The following PSD3 variants were observed in gnomAD, a reference collection of about 807,000 sequenced individuals.
PSD3 encodes PH and SEC7 domain-containing protein 3.
PSD3 carries 49 observed loss-of-function variants against 105.5 expected under a neutral mutation model. The observed-to-expected ratio is 0.46, with a 90% CI of 0.37 to 0.59. The LOEUF is 0.59. Among genes scored for constraint, PSD3 ranks in the 20% least tolerant of loss-of-function variants. The probability of loss-of-function intolerance (pLI) is 0.00; values close to 1 mark genes in which losing one functional copy is unlikely to be tolerated. For synonymous variants in PSD3, 557 were observed against 457.8 expected, an observed-to-expected ratio of 1.22 and a Z score of -2.77; for missense variants, 1,561 against 1,263.8, an observed-to-expected ratio of 1.24 and a Z score of -3.57.
intron 4 of PSD3, among the ~76,000 whole-genome samples, chr8:18,812,869 C>T (rs116209824): frequency 7.2e-5 from 11 of 152,130 alleles, no homozygotes; most frequent in Admixed American, 1.3e-4. Flanking sequence ...GATGCACTGT[C>T]AGAGCTTTGA....
At chr8:18,723,606 T>C (rs529064253) in intron 9 of PSD3, among the ~76,000 whole-genome samples, 1 of 152,306 alleles carries the variant, frequency 6.6e-6, no homozygotes, top group Admixed American at 6.5e-5. Flanking sequence ...GTTCCTTCTG[T>C]ATCTCCAGTA....
chr8:18,558,557 T>A (rs548520480), intron 14 of PSD3, among the ~76,000 whole-genome samples: 2 of 152,174 alleles, frequency 1.3e-5, no homozygotes, highest in Non-Finnish European at 2.9e-5. Flanking sequence ...GTGGGGTGCC[T>A]CACGCCTGTA....
At chr8:18,988,083 A>G (rs1825598251) in intron 1 of PSD3, among the ~76,000 whole-genome samples, 1 of 150,926 alleles carries the variant, frequency 6.6e-6, no homozygotes, top group African/African-American at 2.4e-5. Flanking sequence ...GTAAGCACCA[A>G]TGAATGTTAG....
chr8:18,978,967 A>C (rs1002080707), intron 1 of PSD3, among the ~76,000 whole-genome samples: 13 of 152,164 alleles, frequency 8.5e-5, no homozygotes, highest in African/African-American at 3.1e-4. Flanking sequence ...TCTCAAAGAA[A>C]GCCAGACAGG....
At chr8:18,874,145 TTTTTATTTTA>T (rs146118813) in intron 2 of PSD3, among the ~76,000 whole-genome samples, 15 of 151,942 alleles carry the variant, frequency 9.9e-5, no homozygotes, top group South Asian at 2.1e-4. Context: ...GTTGTTACCA[TTTTTATTTTA>T]TTTTATTTTA....
chr8:18,607,819 TG>T (rs1262901283), intron 11 of PSD3, among the ~76,000 whole-genome samples: 3 of 152,152 alleles, frequency 2.0e-5, no homozygotes, highest in Middle Eastern at 3.4e-3. Flanking sequence ...TCAGCATGGC[TG>T]GGGATGCCTC....
chr8:18,975,717 T>C (rs571778697), intron 1 of PSD3, among the ~76,000 whole-genome samples: 5 of 152,142 alleles, frequency 3.3e-5, no homozygotes, highest in Non-Finnish European at 7.3e-5. Flanking sequence ...ATTTTAAAAA[T>C]TGCACATATA....
intron 3 of PSD3, 44 bp from the exon 4 acceptor site, chr8:18,868,113 G>T (rs1421907344): frequency 3.9e-6 from 6 of 1,528,128 alleles, no homozygotes; most frequent in Non-Finnish European, 5.3e-6. Context: ...TTAGGTTAAT[G>T]TCTTTATTTC....
intron 1 of PSD3, among the ~76,000 whole-genome samples, chr8:18,953,224 T>C (rs1823353958): frequency 6.6e-6 from 1 of 152,196 alleles, no homozygotes; most frequent in African/African-American, 2.4e-5. Context: ...TGAAAGGCTA[T>C]GAGGAAACTG....
chr8:18,838,848 A>G (rs116350328), intron 4 of PSD3, among the ~76,000 whole-genome samples: 147 of 142,118 alleles, frequency 1.0e-3, no homozygotes, highest in African/African-American at 3.5e-3. Context: ...TAATAATAAT[A>G]ATGTTCAAGA....
At chr8:18,553,711 A>G (rs546287904) in intron 15 of PSD3, among the ~76,000 whole-genome samples, 1 of 152,206 alleles carries the variant, frequency 6.6e-6, no homozygotes, top group Non-Finnish European at 1.5e-5. Context: ...TATGACTTCA[A>G]TGTTAATTTA....
At chr8:18,938,847 T>C (rs1183374803) in intron 1 of PSD3, among the ~76,000 whole-genome samples, 2 of 152,288 alleles carry the variant, frequency 1.3e-5, no homozygotes, top group South Asian at 4.2e-4. Context: ...GATATATAGA[T>C]CCTAGATTCA....
In PSD3 at chr8:18,548,945, G is replaced by C. The variant is rs184697436; in HGVS notation, c.2928+7264C>G. ...CTTTCTCAACCACTCAGCTGTGCTGGTTGCCTTAATATTCTGAGTGGGATG... is the reference window on the plus strand; with the variant it reads ...CTTTCTCAACCACTCAGCTGTGCTGCTTGCCTTAATATTCTGAGTGGGATG... On this transcript the variant is annotated intron_variant, in intron 15 of 15. Transcript: ENST00000327040. 1.8e-3 allele frequency among the ~76,000 whole-genome samples: 273 copies of C among 152,190 alleles called. 1 individual carries two copies. Among genetic ancestry groups the C allele is most frequent in the African/African-American group, 6.3e-3 (263 of 41,516 alleles).
intron 11 of PSD3, among the ~76,000 whole-genome samples, chr8:18,605,559 G>C (rs116064184): frequency 2.0e-3 from 298 of 152,252 alleles, no homozygotes; most frequent in African/African-American, 6.8e-3. Context: ...AATGAGTTAA[G>C]ACTTTGGGGA....
chr8:18,639,881 G>C (rs1000280260), intron 10 of PSD3, among the ~76,000 whole-genome samples: 3 of 152,184 alleles, frequency 2.0e-5, no homozygotes, highest in African/African-American at 7.2e-5. Flanking sequence ...TGGGACAACT[G>C]TGTCTCAGTA....
At chr8:18,948,616 T>G (rs146521286) in intron 1 of PSD3, among the ~76,000 whole-genome samples, 1 of 152,112 alleles carries the variant, frequency 6.6e-6, no homozygotes, top group Non-Finnish European at 1.5e-5. Flanking sequence ...CCTTATAAAC[T>G]AGGAAACCTC....
intron 12 of PSD3, among the ~76,000 whole-genome samples, chr8:18,595,929 C>T (rs541958285): frequency 6.6e-6 from 1 of 152,108 alleles, no homozygotes; most frequent in Non-Finnish European, 1.5e-5. Context: ...ACAGAACATT[C>T]CACTCAACAG....
chr8:18,747,005 C>G (rs757798255), intron 9 of PSD3, among the ~76,000 whole-genome samples: 8 of 152,224 alleles, frequency 5.3e-5, no homozygotes, highest in African/African-American at 9.6e-5. Context: ...TCTCTCTCTA[C>G]CTGTGTATGC....
In PSD3 at chr8:18,930,461, A is replaced by G. The variant is rs933644594; in HGVS notation, c.130+5573T>C. On this transcript the variant is annotated intron_variant, in intron 2 of 15. Coordinates refer to ENST00000327040, the MANE Select transcript of PSD3 (RefSeq NM_015310.4). The stretch of plus-strand genomic sequence containing the variant: ...GAGGACAGGCCATGAACTTTCACGT[A>G]CAAGTCTTTACATTGGCATACGCTT... Among the ~76,000 whole-genome samples the G allele has an allele frequency of 2.6e-5, 4 of 152,198 alleles. No homozygotes were observed. In the East Asian group the frequency reaches 7.7e-4, roughly 29 times the overall value.
Sources: gnomAD v4.1 joint callset for allele counts (sites outside exome capture counted in the v4.1 genomes callset) on GRCh38, gnomAD v4.1.1 for gene constraint, MANE v1.5 for transcripts, NCBI Gene and HGNC (gene_info 2026-07-23, HGNC 2026-07-21) for gene names.